Variants in CPEB1 observed in about 807,000 individuals in gnomAD.
CPEB1 encodes cytoplasmic polyadenylation element-binding protein 1.
CPEB1 carries 7 observed loss-of-function variants against 65.8 expected under a neutral mutation model. That is an observed-to-expected ratio of 0.11 (90% CI 0.06 to 0.20). The LOEUF is 0.20. Ranked by LOEUF, CPEB1 falls within the 10% of genes least tolerant of loss-of-function variation. The pLI is 1.00. For missense variants in CPEB1, 551 were observed against 712.2 expected (o/e 0.77, Z 2.58); for synonymous variants, 262 against 260.0 (o/e 1.01, Z -0.08).
At chr15:82,583,377 C>G (rs2041480132) in intron 3 of CPEB1, 1 of 152,190 alleles carries the variant, frequency 6.6e-6, no homozygotes, top group Non-Finnish European at 1.5e-5. Flanking sequence ...TTACCTGACA[C>G]TACACTGTTC....
In CPEB1 at chr15:82,543,934, AT is replaced by A. The variant is rs1480101864; in HGVS notation, c.*657del. The A allele has an allele frequency of 6.6e-6, 1 of 152,464 alleles. No individual in the cohort carries two copies. Among genetic ancestry groups the A allele is most frequent in the Non-Finnish European group, 1.5e-5 (1 of 68,040 alleles). The allele number at this position is 152,464 out of a possible 1,614,324, so 9.4% of individuals were successfully genotyped here. A position where few individuals can be genotyped will look rare whatever the true frequency, so the allele number is the denominator to read the frequency against. On this transcript the variant is annotated 3_prime_UTR_variant, in exon 13 of 13. Transcript: ENST00000684509. Reference sequence around the variant, plus strand: ...GTTAAAAGCTGCCAGGAAAGAAAAAATATCTTGTTCCAAACGACTTAAAAAC... The same window carrying A: ...GTTAAAAGCTGCCAGGAAAGAAAAAAATCTTGTTCCAAACGACTTAAAAAC...
At chr15:82,594,014 G>A (rs1424534861) in intron 3 of CPEB1, among the ~76,000 whole-genome samples, 1 of 152,168 alleles carries the variant, frequency 6.6e-6, no homozygotes, top group Non-Finnish European at 1.5e-5. Flanking sequence ...GATTTAGCAT[G>A]TTTCTTAAGG....
Position 82,544,279 on chromosome 15 carries a change from T to G in CPEB1, c.*313A>C, listed in dbSNP as rs2034782918. On this transcript the variant is annotated 3_prime_UTR_variant, in exon 13 of 13. Coordinates refer to ENST00000684509, the MANE Select transcript of CPEB1 (RefSeq NM_001365242.1). Reference sequence around the variant, plus strand: ...ATACCTTCTGGACACGTAGTTTTTTTTTTTTTTTTTTTTTTCCCCGCTTTT... The same window carrying G: ...ATACCTTCTGGACACGTAGTTTTTTGTTTTTTTTTTTTTTTCCCCGCTTTT... The G allele has an allele frequency of 1.8e-5, 4 of 223,842 alleles. No homozygotes were observed. The South Asian group carries it at 3.7e-4, about 21-fold the overall frequency. The allele number at this position is 223,842 out of a possible 1,614,324, so 13.9% of individuals were successfully genotyped here.
At chr15:82,553,793 C>G in intron 7 of CPEB1, 85 bp downstream of exon 7, 1 of 990,932 alleles carries the variant, frequency 1.0e-6, no homozygotes, top group Non-Finnish European at 1.6e-6. Flanking sequence ...GGGCATTCAG[C>G]CCCTGGCCTC....
intron 1 of CPEB1, among the ~76,000 whole-genome samples, chr15:82,635,671 T>C (rs1469179559): frequency 6.9e-6 from 1 of 145,100 alleles, no homozygotes; most frequent in African/African-American, 2.6e-5. Context: ...TAAAACATAC[T>C]CCTTGCCCTC....
chr15:82,594,307 A>C (rs1359702959), intron 3 of CPEB1, among the ~76,000 whole-genome samples: 6 of 152,092 alleles, frequency 3.9e-5, no homozygotes. Flanking sequence ...TTGCTGCTTC[A>C]TCTTGCACAT....
chr15:82,634,395 T>C (rs1268451339), intron 1 of CPEB1, among the ~76,000 whole-genome samples: 1 of 152,226 alleles, frequency 6.6e-6, no homozygotes, highest in Non-Finnish European at 1.5e-5. Flanking sequence ...GGATGGCCAT[T>C]CTGGCAGCTC....
chr15:82,643,167 T>C (rs1427037587), intron 1 of CPEB1, among the ~76,000 whole-genome samples: 7 of 152,028 alleles, frequency 4.6e-5, no homozygotes, highest in African/African-American at 1.7e-4. Flanking sequence ...GCCTTGCTGG[T>C]AAAGGTTGCT....
chr15:82,642,630 C>T (rs1468416574), intron 1 of CPEB1, among the ~76,000 whole-genome samples: 1 of 152,154 alleles, frequency 6.6e-6, no homozygotes, highest in Non-Finnish European at 1.5e-5. Flanking sequence ...TTAATTCAAA[C>T]AAGAGAAGCA....
chr15:82,577,688 T>G (rs1328015289), intron 3 of CPEB1, among the ~76,000 whole-genome samples: 4 of 152,008 alleles, frequency 2.6e-5, no homozygotes, highest in Admixed American at 6.6e-5. Context: ...CTAATTTTTT[T>G]GGGAAGTATA....
intron 3 of CPEB1, among the ~76,000 whole-genome samples, chr15:82,609,218 T>C (rs1351751372): frequency 1.3e-5 from 2 of 152,144 alleles, no homozygotes; most frequent in African/African-American, 2.4e-5. Flanking sequence ...TTAAAGATTA[T>C]GCTGAATGTC....
Position 82,544,079 on chromosome 15 carries a change from G to A in CPEB1, c.*513C>T. The A allele has an allele frequency of 6.6e-6, 1 of 152,586 alleles. No homozygotes were observed. 9.5% of individuals were successfully genotyped at this position (152,586 alleles called of 1,614,324 possible). A position where few individuals can be genotyped will look rare whatever the true frequency, so the allele number is the denominator to read the frequency against. ...TTGTTTACAGTAAAAAACACCAGCT[G>A]AACACTCAGTTTATGCCGTTCAGGT... On this transcript the variant is annotated 3_prime_UTR_variant, in exon 13 of 13. Transcript: ENST00000684509.
intron 3 of CPEB1, among the ~76,000 whole-genome samples, chr15:82,608,589 G>T (rs1246499499): frequency 6.6e-6 from 1 of 152,064 alleles, no homozygotes; most frequent in African/African-American, 2.4e-5. Context: ...CAGCTATCTT[G>T]TTTTTAGTTT....
intron 3 of CPEB1, among the ~76,000 whole-genome samples, chr15:82,602,418 T>G (rs2043192446): frequency 1.3e-5 from 2 of 152,210 alleles, no homozygotes; most frequent in Non-Finnish European, 2.9e-5. Context: ...GAATGGTGAC[T>G]CATGCCTGTT....
At chr15:82,619,624 T>C (rs901688992) in intron 3 of CPEB1, among the ~76,000 whole-genome samples, 1 of 151,974 alleles carries the variant, frequency 6.6e-6, no homozygotes, top group Admixed American at 6.5e-5. Context: ...AAAATGAGTA[T>C]AAGGCCTGAA....
intron 9 of CPEB1, among the ~76,000 whole-genome samples, chr15:82,550,765 G>A (rs2036097686): frequency 6.6e-6 from 1 of 152,208 alleles, no homozygotes; most frequent in Non-Finnish European, 1.5e-5. Context: ...TCATTTATCT[G>A]AACTAGAAAA....
At chr15:82,569,788 G>C (rs1386517140) in intron 4 of CPEB1, among the ~76,000 whole-genome samples, 3 of 152,184 alleles carry the variant, frequency 2.0e-5, no homozygotes, top group African/African-American at 7.2e-5. Flanking sequence ...ATGAAAGACA[G>C]TGCCTTGGTC....
At chr15:82,589,228 G>A (rs1389787146) in intron 3 of CPEB1, among the ~76,000 whole-genome samples, 3 of 152,188 alleles carry the variant, frequency 2.0e-5, no homozygotes, top group Admixed American at 6.5e-5. Context: ...TCAGGCCCAC[G>A]CCAAGGCCCT....
intron 3 of CPEB1, among the ~76,000 whole-genome samples, chr15:82,582,459 C>T (rs2041372569): frequency 1.3e-5 from 2 of 152,104 alleles, no homozygotes; most frequent in Non-Finnish European, 2.9e-5. Context: ...GCCATCCCGT[C>T]TTTTTTTACT....
Sources: allele counts gnomAD v4.1 joint callset (sites outside exome capture counted in the v4.1 genomes callset), GRCh38; gene constraint gnomAD v4.1.1; transcripts MANE v1.5; gene names NCBI Gene and HGNC (gene_info 2026-07-23, HGNC 2026-07-21).